AQP4: variants seen among roughly 807,000 people sequenced by gnomAD.
The protein encoded by AQP4 is aquaporin 4, also known as aquaporin-4.
AQP4 carries 18 observed loss-of-function variants against 27.8 expected under a neutral mutation model. The ratio of observed to expected loss-of-function variants is 0.65; its 90% confidence interval spans 0.45 to 0.96. AQP4 has a LOEUF of 0.96. Ranked by LOEUF, AQP4 falls within the 40% of genes least tolerant of loss-of-function variation. The pLI is 0.00. For missense variants in AQP4, 412 were observed against 408.2 expected (o/e 1.01, Z -0.08); for synonymous variants, 141 against 142.9 (o/e 0.99, Z 0.10).
chr18:26,856,622 A>T (rs989713285), intron 4 of AQP4, 133 bp from the exon 5 acceptor site: 4 of 1,020,616 alleles, frequency 3.9e-6, no homozygotes, highest in Non-Finnish European at 5.8e-6. Flanking sequence ...GGGGAATTGG[A>T]GAGGAAATAA....
chr18:26,861,080 G>A (rs2054933186), intron 3 of AQP4, 51 bp downstream of exon 3: 1 of 1,599,722 alleles, frequency 6.3e-7, no homozygotes, highest in South Asian at 1.1e-5. Context: ...GCCAGCTAGA[G>A]TGAGGATAAA....
rs2054825558 is a variant in AQP4 at position 26,855,501 on chromosome 18, T to A, written c.*710A>T. On this transcript the variant is annotated 3_prime_UTR_variant, in exon 5 of 5. Transcript: ENST00000383168. Reference sequence around the variant, plus strand: ...CAAGATTTTACGAGTCTGCTTGTCTTGAATCTCAATAGGTGCCCTTATGAT... The same window carrying A: ...CAAGATTTTACGAGTCTGCTTGTCTAGAATCTCAATAGGTGCCCTTATGAT... 1 of 152,420 alleles carries A rather than the reference T, an allele frequency of 6.6e-6. No individual in the cohort carries two copies. The highest frequency in any genetic ancestry group is 6.5e-5 in the Admixed American group (1 of 15,302). The allele number at this position is 152,420 out of a possible 1,614,324, so 9.4% of individuals were successfully genotyped here.
chr18:26,864,717 G>C, intron 1 of AQP4, among the ~76,000 whole-genome samples: 1 of 151,446 alleles, frequency 6.6e-6, no homozygotes, highest in South Asian at 2.1e-4. Flanking sequence ...AGGTGCTGTC[G>C]TTTGTGGTCA....
chr18:26,852,410 T>C lies in AQP4; in HGVS notation c.*3801A>G, dbSNP rs1445461914. On this transcript the variant is annotated 3_prime_UTR_variant, in exon 5 of 5. Coordinates refer to ENST00000383168, the MANE Select transcript of AQP4 (RefSeq NM_001650.7). ...CAATGGGTTACATAAATTAGACGTA[T>C]TTTTTAGCTCTTCGATTTTTTTTAA... 1 of 156,958 alleles carries C rather than the reference T, an allele frequency of 6.4e-6. No individual in the cohort carries two copies. Among genetic ancestry groups the C allele is most frequent in the African/African-American group, 2.4e-5 (1 of 41,716 alleles). The allele number at this position is 156,958 out of a possible 1,614,324, so 9.7% of individuals were successfully genotyped here. A position where few individuals can be genotyped will look rare whatever the true frequency, so the allele number is the denominator to read the frequency against.
At chr18:26,862,862 T>C in intron 1 of AQP4, 1 of 542,882 alleles carries the variant, frequency 1.8e-6, no homozygotes, top group South Asian at 2.2e-5. Context: ...AATGTCTAAA[T>C]CAAATTCCTT....
chr18:26,860,949 A>T (rs1207148456), intron 3 of AQP4, 97 bp from the exon 4 acceptor site: 10 of 1,397,658 alleles, frequency 7.2e-6, no homozygotes, highest in Non-Finnish European at 1.0e-5. Context: ...ACTTAGAGGA[A>T]CCTCAAGATA....
chr18:26,857,570 C>T (rs1283354509), intron 4 of AQP4, among the ~76,000 whole-genome samples: 1 of 152,156 alleles, frequency 6.6e-6, no homozygotes, highest in Non-Finnish European at 1.5e-5. Context: ...TCGTGATCCA[C>T]CTGCCTCAGC....
At chr18:26,863,267 G>A (rs184622522) in intron 1 of AQP4, 1 of 154,306 alleles carries the variant, frequency 6.5e-6, no homozygotes, top group Non-Finnish European at 1.4e-5. Flanking sequence ...CCAGCGGGAG[G>A]AGTCCGGGAG....
In AQP4 at chr18:26,853,471, T is replaced by C. The variant is rs1342948381; in HGVS notation, c.*2740A>G. 2.0e-5 allele frequency: 3 copies of C among 152,228 alleles called. No individual in the cohort carries two copies. The East Asian group carries it at 5.8e-4, about 29-fold the overall frequency. The allele number at this position is 152,228 out of a possible 1,614,324, so 9.4% of individuals were successfully genotyped here. On this transcript the variant is annotated 3_prime_UTR_variant, in exon 5 of 5. Coordinates refer to ENST00000383168, the MANE Select transcript of AQP4 (RefSeq NM_001650.7). ...TGACAAACTATGTGCGTTTTCAGTG[T>C]AGGGACCACCTTTCAATTTTAGGGT...
At chr18:26,860,265 A>G (rs1024039337) in intron 4 of AQP4, among the ~76,000 whole-genome samples, 3 of 152,238 alleles carry the variant, frequency 2.0e-5, no homozygotes, top group African/African-American at 7.2e-5. Context: ...AATACTTGCA[A>G]CTTACATACT....
Position 26,853,172 on chromosome 18 carries a change from C to A in AQP4, c.*3039G>T, listed in dbSNP as rs2054781034. 3.0e-6 allele frequency: 1 copy of A among 331,162 alleles called. No homozygotes were observed. The highest frequency in any genetic ancestry group is 2.1e-5 in the African/African-American group (1 of 47,314). 20.5% of individuals were successfully genotyped at this position (331,162 alleles called of 1,614,324 possible). A position where few individuals can be genotyped will look rare whatever the true frequency, so the allele number is the denominator to read the frequency against. On this transcript the variant is annotated 3_prime_UTR_variant, in exon 5 of 5. Transcript: ENST00000383168. ...CTTCAATACTGAGCAGCAGCTCTAG[C>A]TAGCACCTATGAGCTGCATTAGGAA...
Position 26,856,087 on chromosome 18 carries a change from A to G in AQP4, c.*124T>C. Reference sequence around the variant, plus strand: ...GAAATATTTATTGTTTAGACTGAGTAATATGACATGAAACAACAAACCTGC... The same window carrying G: ...GAAATATTTATTGTTTAGACTGAGTGATATGACATGAAACAACAAACCTGC... On this transcript the variant is annotated 3_prime_UTR_variant, in exon 5 of 5. Transcript: ENST00000383168. 8.5e-7 allele frequency: 1 copy of G among 1,173,976 alleles called. No homozygotes were observed. The highest frequency in any genetic ancestry group is 1.2e-5 in the South Asian group (1 of 80,606). 72.7% of individuals were successfully genotyped at this position (1,173,976 alleles called of 1,614,324 possible).
At chr18:26,865,759 C>T (rs548032921), upstream of AQP4, 40 of 1,584,212 alleles carry the variant, frequency 2.5e-5, 1 homozygote, top group South Asian at 1.0e-4. Flanking sequence ...AGTCAGATTA[C>T]GGCCACTTGT....
At position 26,862,425 on chromosome 18, in the gene AQP4, G is replaced by T; in HGVS notation, c.204C>A (p.Val68=). Residue 68 remains valine, a synonymous_variant, in exon 2 of 5, where the codon GTC becomes GTA. Coordinates refer to ENST00000383168, the MANE Select transcript of AQP4 (RefSeq NM_001650.7). ...AGCAAAGGGAGATGAGAACCATGTC[G>T]ACCGGTAAAGGCTTTTCTGTTCCAC... is the stretch of plus-strand genomic sequence containing the variant. ...NWGGTEKPLP[V]DMVLISLCFG... 1 of 1,614,172 alleles carries T rather than the reference G, an allele frequency of 6.2e-7. No individual in the cohort carries two copies. The highest frequency in any genetic ancestry group is 1.7e-5 in the Admixed American group (1 of 60,032).
At chr18:26,865,756 T>C, upstream of AQP4, 1 of 1,588,306 alleles carries the variant, frequency 6.3e-7, no homozygotes, top group Non-Finnish European at 8.6e-7. Context: ...GGGAGTCAGA[T>C]TACGGCCACT....
chr18:26,862,586 G>T lies in AQP4; in HGVS notation c.43C>A (p.Pro15Thr), dbSNP rs199674181. ...PTARRWGKCG[P>T]LCTRENIMVA... ...ATGATGTTCTCTCTGGTACACAAAG[G>T]TCCACACTTACTGAAAAGAGAAACA... The change falls in exon 2 of 5, where the codon CCT becomes ACT. Residue 15 changes from proline to threonine, a missense_variant. Transcript: ENST00000383168. 9 of 1,613,904 alleles carry T rather than the reference G, an allele frequency of 5.6e-6. No individual in the cohort carries two copies. Among genetic ancestry groups the T allele is most frequent in the Admixed American group, 1.7e-5 (1 of 60,014 alleles).
At chr18:26,863,362 G>C (rs1218874313) in intron 1 of AQP4, among the ~76,000 whole-genome samples, 1 of 152,194 alleles carries the variant, frequency 6.6e-6, no homozygotes, top group Non-Finnish European at 1.5e-5. Context: ...CAGGGAGCCT[G>C]GAGCACCTCT....
At chr18:26,865,272 A>T in intron 1 of AQP4, 1 of 341,368 alleles carries the variant, frequency 2.9e-6, no homozygotes, top group Non-Finnish European at 5.7e-6. Flanking sequence ...GCCCCAGAAC[A>T]AAGCGGGTTT....
At chr18:26,865,763 C>T, upstream of AQP4, 1 of 1,580,806 alleles carries the variant, frequency 6.3e-7, no homozygotes, top group Non-Finnish European at 8.7e-7. Flanking sequence ...AGATTACGGC[C>T]ACTTGTCTGA....
Sources: gnomAD v4.1 joint callset for allele counts (sites outside exome capture counted in the v4.1 genomes callset) on GRCh38, gnomAD v4.1.1 for gene constraint, MANE v1.5 for transcripts, NCBI Gene and HGNC (gene_info 2026-07-23, HGNC 2026-07-21) for gene names.